Variants in ZFHX3 observed in about 807,000 individuals in gnomAD.
ZFHX3 encodes the protein zinc finger homeobox 3, also known as zinc finger homeobox protein 3.
Under a neutral mutation model 279.1 loss-of-function variants are expected in ZFHX3, and 42 were observed. The ratio of observed to expected loss-of-function variants is 0.15; its 90% confidence interval spans 0.12 to 0.19. The LOEUF (loss-of-function observed/expected upper bound fraction) is 0.19, where lower values mean the gene tolerates loss of function less well. ZFHX3 is among the 10% of genes least tolerant of loss of function. ZFHX3 has a pLI of 1.00. For synonymous variants in ZFHX3, 2,293 were observed against 1,957.8 expected, an observed-to-expected ratio of 1.17 and a Z score of -4.52; for missense variants, 4,981 against 4,754.0, an observed-to-expected ratio of 1.05 and a Z score of -1.40.
intron 2 of ZFHX3, 100 bp downstream of exon 2, chr16:72,957,327 A>T (rs935962424): frequency 7.1e-7 from 1 of 1,400,070 alleles, no homozygotes; most frequent in Non-Finnish European, 9.6e-7. Flanking sequence ...ACTCGAGAAG[A>T]CCAGAGTCAA....
intron 4 of ZFHX3, among the ~76,000 whole-genome samples, chr16:72,834,709 T>A (rs1277397504): frequency 6.6e-6 from 1 of 150,888 alleles, no homozygotes; most frequent in Admixed American, 6.6e-5. Context: ...AAGCCAAAAA[T>A]AGAGGTGGCA....
chr16:73,155,377 C>T (rs1269582708), intron 5 of ZFHX3, among the ~76,000 whole-genome samples: 3 of 152,146 alleles, frequency 2.0e-5, no homozygotes. Flanking sequence ...AACTCCCAGA[C>T]AGCAAGGATC....
chr16:73,049,770 C>T (rs1965415649), upstream of ZFHX3, among the ~76,000 whole-genome samples: 1 of 152,106 alleles, frequency 6.6e-6, no homozygotes. Context: ...GCAAACCAGA[C>T]TATGGTCACT....
intron 5 of ZFHX3, among the ~76,000 whole-genome samples, chr16:72,823,225 C>T (rs766331698): frequency 3.9e-5 from 6 of 152,160 alleles, no homozygotes; most frequent in East Asian, 3.8e-4. Context: ...AAAGGGGCCA[C>T]GCAAAATGGG....
intron 5 of ZFHX3, among the ~76,000 whole-genome samples, chr16:73,175,312 G>A (rs1346790965): frequency 6.6e-6 from 1 of 152,136 alleles, no homozygotes; most frequent in African/African-American, 2.4e-5. Flanking sequence ...CCCAGGAGGT[G>A]GAGGCTGCAG....
intron 1 of ZFHX3, chr16:73,809,401 T>A (rs1410386655): frequency 1.3e-5 from 2 of 152,222 alleles, no homozygotes; most frequent in Admixed American, 1.3e-4. Flanking sequence ...AAAGATGGCC[T>A]GACCTGCCGC....
At chr16:73,110,861 G>A (rs141981662) in intron 7 of ZFHX3, among the ~76,000 whole-genome samples, 2 of 152,258 alleles carry the variant, frequency 1.3e-5, no homozygotes, top group East Asian at 3.9e-4. Flanking sequence ...ACCGTGCCTG[G>A]CCTAGCATGT....
intron 3 of ZFHX3, among the ~76,000 whole-genome samples, chr16:73,331,923 T>A (rs569867356): frequency 3.3e-5 from 5 of 151,402 alleles, no homozygotes; most frequent in Admixed American, 3.3e-4. Context: ...ACAGGAAGAG[T>A]TGGGAAATCA....
chr16:72,920,419 GC>G (rs1345523519), intron 3 of ZFHX3, among the ~76,000 whole-genome samples: 1 of 152,102 alleles, frequency 6.6e-6, no homozygotes, highest in Non-Finnish European at 1.5e-5. Context: ...AGTGGCTCAT[GC>G]CTGTAATCCA....
intron 3 of ZFHX3, among the ~76,000 whole-genome samples, chr16:72,897,954 C>G (rs544562787): frequency 6.6e-6 from 1 of 152,168 alleles, no homozygotes; most frequent in African/African-American, 2.4e-5. Flanking sequence ...GGTTCTGGAA[C>G]ATGAGACTCT....
At chr16:73,335,794 G>C (rs1270244919) in intron 3 of ZFHX3, among the ~76,000 whole-genome samples, 1 of 152,210 alleles carries the variant, frequency 6.6e-6, no homozygotes, top group Non-Finnish European at 1.5e-5. Context: ...TCTGAGAGCA[G>C]AAATGGTCTC....
chr16:73,034,940 A>T (rs1396500787), intron 1 of ZFHX3, among the ~76,000 whole-genome samples: 1 of 152,204 alleles, frequency 6.6e-6, no homozygotes, highest in Admixed American at 6.5e-5. Context: ...CCCATTCCCC[A>T]GTAAATGCAA....
chr16:73,620,662 TGAC>T (rs2052350147), intron 2 of ZFHX3, among the ~76,000 whole-genome samples: 1 of 152,216 alleles, frequency 6.6e-6, no homozygotes, highest in Non-Finnish European at 1.5e-5. Context: ...TTCCCCTAAG[TGAC>T]GACAATACCT....
chr16:73,345,233 ATTAAT>A (rs1268716938), intron 3 of ZFHX3, among the ~76,000 whole-genome samples: 1 of 152,058 alleles, frequency 6.6e-6, no homozygotes, highest in Admixed American at 6.6e-5. Context: ...TCTTTTTAAA[ATTAAT>A]TTGAGTTTTT....
intron 8 of ZFHX3, among the ~76,000 whole-genome samples, chr16:73,076,893 G>GCACACA (rs57770164): frequency 0.084 from 12,556 of 149,928 alleles, 1,205 homozygotes; most frequent in African/African-American, 0.24. Context: ...ATATGTATAC[G>GCACACA]CACACACACA....
At chr16:73,360,237 G>A (rs4889196) in intron 3 of ZFHX3, among the ~76,000 whole-genome samples, 71,115 of 152,134 alleles carry the variant, frequency 0.47, 20,047 homozygotes, top group Non-Finnish European at 0.63. Context: ...CAACACAACC[G>A]TGAGTTGCGT....
At chr16:73,872,245 G>GT (rs370173868) in intron 1 of ZFHX3, among the ~76,000 whole-genome samples, 192 of 145,622 alleles carry the variant, frequency 1.3e-3, no homozygotes, top group Middle Eastern at 3.5e-3. Context: ...GGACATCCCT[G>GT]TTTTTTTTTT....
intron 1 of ZFHX3, among the ~76,000 whole-genome samples, chr16:73,730,352 C>CAAAAAAAAAAAAAAAA (rs66477968): frequency 1.2e-5 from 1 of 81,166 alleles, no homozygotes; most frequent in Non-Finnish European, 2.3e-5. Context: ...CCTCCCCTCG[C>CAAAAAAAAAAAAAAAA]AAAAAAAAAA....
intron 3 of ZFHX3, among the ~76,000 whole-genome samples, chr16:73,368,227 A>C (rs1319708765): frequency 1.3e-5 from 2 of 152,240 alleles, no homozygotes; most frequent in Non-Finnish European, 2.9e-5. Flanking sequence ...TGAGCAGAAT[A>C]AATGAATTAA....
Sources: allele counts gnomAD v4.1 joint callset (sites outside exome capture counted in the v4.1 genomes callset), GRCh38; gene constraint gnomAD v4.1.1; transcripts MANE v1.5; gene names NCBI Gene and HGNC (gene_info 2026-07-23, HGNC 2026-07-21).